Variants in KIAA1217 observed in about 807,000 individuals in gnomAD.
KIAA1217 encodes the protein KIAA1217, also known as sickle tail protein homolog.
KIAA1217 carries 88 observed loss-of-function variants against 163.9 expected under a neutral mutation model. The observed-to-expected ratio is 0.54, with a 90% CI of 0.45 to 0.64. The LOEUF (loss-of-function observed/expected upper bound fraction) is 0.64, where lower values mean the gene tolerates loss of function less well. Among genes scored for constraint, KIAA1217 ranks in the 30% least tolerant of loss-of-function variants. The pLI is 0.00. For missense variants in KIAA1217, 2,372 were observed against 2,475.0 expected, an observed-to-expected ratio of 0.96 and a Z score of 0.88; for synonymous variants, 903 against 923.1, an observed-to-expected ratio of 0.98 and a Z score of 0.39.
chr10:24,129,367 T>C (rs185564974), intron 2 of KIAA1217, among the ~76,000 whole-genome samples: 1 of 152,284 alleles, frequency 6.6e-6, no homozygotes, highest in East Asian at 1.9e-4. Flanking sequence ...GTAGGAGTTA[T>C]ACTTACTCCC....
At chr10:24,091,385 T>C (rs1241060465) in intron 2 of KIAA1217, among the ~76,000 whole-genome samples, 5 of 151,954 alleles carry the variant, frequency 3.3e-5, no homozygotes, top group Admixed American at 3.3e-4. Context: ...TTTTAACAGA[T>C]GGAATATAGG....
At chr10:23,972,710 A>G (rs1845367996) in intron 1 of KIAA1217, among the ~76,000 whole-genome samples, 1 of 152,152 alleles carries the variant, frequency 6.6e-6, no homozygotes, top group Admixed American at 6.5e-5. Flanking sequence ...ACCAACCCAA[A>G]TGCCCATCAG....
intron 9 of KIAA1217, among the ~76,000 whole-genome samples, chr10:24,502,044 T>C (rs7090802): frequency 0.3 from 45,411 of 151,844 alleles, 7,117 homozygotes; most frequent in Middle Eastern, 0.4. Flanking sequence ...CCACCGCGTC[T>C]GGCCTACAAC....
At chr10:24,325,935 A>G (rs1257254874) in intron 2 of KIAA1217, among the ~76,000 whole-genome samples, 1 of 152,150 alleles carries the variant, frequency 6.6e-6, no homozygotes, top group Non-Finnish European at 1.5e-5. Context: ...AGAGAGTTAC[A>G]TTATTTTCAT....
chr10:24,443,570 G>T (rs376938988), intron 5 of KIAA1217, among the ~76,000 whole-genome samples: 27 of 151,786 alleles, frequency 1.8e-4, no homozygotes, highest in Non-Finnish European at 3.2e-4. Context: ...AAAAAAAAGT[G>T]GGGGAGGGAG....
rs1847459158 is a variant in KIAA1217 at position 24,015,875 on chromosome 10, C to T, written c.-171+8501C>T. 3.3e-5 allele frequency among the ~76,000 whole-genome samples: 5 copies of T among 151,932 alleles called. No homozygotes were observed. In the South Asian group the frequency reaches 1.0e-3, roughly 32 times the overall value. On this transcript the variant is annotated intron_variant, in intron 2 of 18. Transcript: ENST00000376462. ...GGCCACAAAGTAACTTCAAAGTGTA[C>T]TGGGATGTGCCCTCTTCCTGTTTGC...
At chr10:24,021,163 A>C (rs1847714194) in intron 2 of KIAA1217, among the ~76,000 whole-genome samples, 1 of 151,978 alleles carries the variant, frequency 6.6e-6, no homozygotes, top group Non-Finnish European at 1.5e-5. Flanking sequence ...ATAAGTAGAA[A>C]TTATTTTTAA....
At chr10:24,354,259 C>T (rs115949763) in intron 2 of KIAA1217, among the ~76,000 whole-genome samples, 3 of 152,158 alleles carry the variant, frequency 2.0e-5, no homozygotes. Context: ...AGTTCCCGGA[C>T]CCCCCTCACA....
chr10:23,960,164 C>T (rs1363121164), intron 1 of KIAA1217, among the ~76,000 whole-genome samples: 1 of 152,046 alleles, frequency 6.6e-6, no homozygotes. Flanking sequence ...ATCTGCCCAC[C>T]TGGGCCTCCC....
At chr10:24,409,997 C>CTTTTTTTTTTT (rs71397947) in intron 3 of KIAA1217, among the ~76,000 whole-genome samples, 92 of 123,862 alleles carry the variant, frequency 7.4e-4, no homozygotes, top group East Asian at 1.6e-3. Flanking sequence ...TTTCTTTTTT[C>CTTTTTTTTTTT]TTTTTTTTTT....
At chr10:23,928,583 C>G (rs906951044) in intron 1 of KIAA1217, among the ~76,000 whole-genome samples, 6 of 152,148 alleles carry the variant, frequency 3.9e-5, no homozygotes, top group African/African-American at 1.4e-4. Context: ...TGACAGGATC[C>G]TTGTTCTCCT....
intron 2 of KIAA1217, among the ~76,000 whole-genome samples, chr10:24,157,550 A>C (rs1416494112): frequency 6.6e-6 from 1 of 152,168 alleles, no homozygotes; most frequent in East Asian, 1.9e-4. Context: ...TATCTAGGAA[A>C]TCTTTCCTTG....
At chr10:24,202,844 C>G (rs1246549241) in intron 2 of KIAA1217, among the ~76,000 whole-genome samples, 1 of 152,102 alleles carries the variant, frequency 6.6e-6, no homozygotes, top group Non-Finnish European at 1.5e-5. Context: ...GCAATGCCCC[C>G]CAAATAATAC....
chr10:23,964,721 A>T (rs1404444260), intron 1 of KIAA1217, among the ~76,000 whole-genome samples: 1 of 151,816 alleles, frequency 6.6e-6, no homozygotes. Flanking sequence ...ACGCCCAGCT[A>T]ATTTTTGTAT....
At chr10:24,484,241 A>ATATATATATTTTTTTTTTTTTTTTT (rs1376083298) in intron 6 of KIAA1217, among the ~76,000 whole-genome samples, 1 of 75,156 alleles carries the variant, frequency 1.3e-5, no homozygotes, top group Non-Finnish European at 2.5e-5. Flanking sequence ...ATATATATAT[A>ATATATATATTTTTTTTTTTTTTTTT]TTTTTTTTTT....
At chr10:23,796,072 T>C (rs1465561618) in intron 1 of KIAA1217, among the ~76,000 whole-genome samples, 2 of 152,202 alleles carry the variant, frequency 1.3e-5, no homozygotes, top group Non-Finnish European at 2.9e-5. Context: ...CCCTGCTCCA[T>C]GTCAATCTTT....
intron 5 of KIAA1217, chr10:24,449,747 G>T: frequency 6.1e-6 from 6 of 985,250 alleles, no homozygotes; most frequent in Non-Finnish European, 6.0e-6. Flanking sequence ...GAAAAGAAAG[G>T]CTCACGGAAA....
chr10:24,345,077 T>C (rs773589457), intron 2 of KIAA1217, among the ~76,000 whole-genome samples: 8 of 152,344 alleles, frequency 5.3e-5, no homozygotes, highest in Non-Finnish European at 1.2e-4. Context: ...AAAAGGGGTA[T>C]ATAGTCTGTT....
At chr10:24,529,212 A>G (rs2072722982) in intron 14 of KIAA1217, among the ~76,000 whole-genome samples, 1 of 152,194 alleles carries the variant, frequency 6.6e-6, no homozygotes. Context: ...GATTAGTTCC[A>G]GGACTCCCAT....
Sources: gnomAD v4.1 joint callset for allele counts (sites outside exome capture counted in the v4.1 genomes callset) on GRCh38, gnomAD v4.1.1 for gene constraint, MANE v1.5 for transcripts, NCBI Gene and HGNC (gene_info 2026-07-23, HGNC 2026-07-21) for gene names.